JAKMIP1: variants seen among roughly 807,000 people sequenced by gnomAD.
JAKMIP1 encodes janus kinase and microtubule-interacting protein 1.
Under a neutral mutation model 113.0 loss-of-function variants are expected in JAKMIP1, and 33 were observed. The observed-to-expected ratio is 0.29, with a 90% confidence interval of 0.22 to 0.39. The LOEUF is 0.39. Among genes scored for constraint, JAKMIP1 ranks in the 10% least tolerant of loss-of-function variants. The pLI, the probability that JAKMIP1 is intolerant of heterozygous loss-of-function variation, is 1.00. For synonymous variants in JAKMIP1, 480 were observed against 459.9 expected, an observed-to-expected ratio of 1.04 and a Z score of -0.56; for missense variants, 813 against 1,080.5, an observed-to-expected ratio of 0.75 and a Z score of 3.47.
At chr4:6,113,746 C>T (rs1005173417) in intron 1 of JAKMIP1, among the ~76,000 whole-genome samples, 4 of 152,242 alleles carry the variant, frequency 2.6e-5, no homozygotes, top group African/African-American at 7.2e-5. Context: ...CCCTTCACCA[C>T]GTCTCCTTCT....
At chr4:6,056,840 C>G in intron 11 of JAKMIP1, 81 bp from the exon 12 acceptor site, 1 of 941,276 alleles carries the variant, frequency 1.1e-6, no homozygotes, top group Non-Finnish European at 1.7e-6. Flanking sequence ...AGAAAGGTCA[C>G]TTTCTATGAA....
At position 6,097,236 on chromosome 4, in the gene JAKMIP1, A is replaced by G. The variant is rs116099708; in HGVS notation, c.624+8237T>C. Among the ~76,000 whole-genome samples, 459 of 152,314 alleles carry G rather than the reference A, an allele frequency of 3.0e-3. 2 individuals carry two copies. Among genetic ancestry groups the G allele is most frequent in the African/African-American group, 0.011 (437 of 41,570 alleles). ...GGTCTCAAACTCTCAGCCTCAAGCA[A>G]TCCTCCCACCTCAGCCTCCTGATGT... On this transcript the variant is annotated intron_variant, in intron 3 of 20. Transcript: ENST00000409021. This position sits in a 1 kb window ranked among gnomAD's most constrained non-coding sequence, Gnocchi z 4.3.
intron 1 of JAKMIP1, among the ~76,000 whole-genome samples, chr4:6,182,970 C>T (rs1726215055): frequency 6.6e-6 from 1 of 152,208 alleles, no homozygotes; most frequent in South Asian, 2.1e-4. Flanking sequence ...CCAGTGCCAG[C>T]TCCCAAGGCA....
intron 1 of JAKMIP1, among the ~76,000 whole-genome samples, chr4:6,147,076 C>T (rs1044102319): frequency 6.6e-6 from 1 of 152,126 alleles, no homozygotes; most frequent in African/African-American, 2.4e-5. Flanking sequence ...TCTCCTGCCT[C>T]AGCCTCCCGA....
chr4:6,062,256 C>T lies in JAKMIP1; in HGVS notation c.1560+56G>A, dbSNP rs1191176122. ...GGGTATGTCACACTTCTGGAAAGGA[C>T]CTACATGACCTGGCCTTCGGCCCCT... On this transcript the variant is annotated intron_variant, in intron 10 of 20. Transcript: ENST00000409021. 1.6e-5 allele frequency: 26 copies of T among 1,596,768 alleles called. 1 individual carries two copies. The highest frequency in any genetic ancestry group is 2.2e-5 in the Non-Finnish European group (26 of 1,167,140).
At chr4:6,110,852 T>C (rs1437671964) in intron 2 of JAKMIP1, among the ~76,000 whole-genome samples, 1 of 150,826 alleles carries the variant, frequency 6.6e-6, no homozygotes, top group African/African-American at 2.4e-5. Flanking sequence ...ACAGCTGCTG[T>C]AGCTATGTCC....
rs1728203308 is a variant in JAKMIP1, at chr4:6,199,431, G to A, written c.-148+822C>T. On this transcript the variant is annotated intron_variant, in intron 1 of 20. Transcript: ENST00000409021. This position sits in a 1 kb window ranked among gnomAD's most constrained non-coding sequence, Gnocchi z 5.6. ...GATGGAGCGAAGGACCGAGGGGCTG[G>A]GAGGCGAGGCCGCAGCGCACTGACG... Among the ~76,000 whole-genome samples, 1 of 152,208 alleles carries A rather than the reference G, an allele frequency of 6.6e-6. No individual in the cohort carries two copies. Among genetic ancestry groups the A allele is most frequent in the African/African-American group, 2.4e-5 (1 of 41,472 alleles).
At chr4:6,146,484 G>A (rs943235365) in intron 1 of JAKMIP1, among the ~76,000 whole-genome samples, 4 of 152,112 alleles carry the variant, frequency 2.6e-5, no homozygotes, top group African/African-American at 7.2e-5. Context: ...TGTAGAGACA[G>A]GTTTTCACCC....
rs1002591955 is a variant in JAKMIP1, at chr4:6,039,864, A to AT, written c.2175+774dup. The stretch of plus-strand genomic sequence containing the variant: ...TCATGGGAAGTAGAGTTTTAAAGTC[A>AT]TTTTTTTTTTAGTGATTGGCTCTGC... On this transcript the variant is annotated intron_variant, in intron 18 of 20. Coordinates refer to ENST00000409021, the MANE Select transcript of JAKMIP1 (RefSeq NM_001099433.2). Among the ~76,000 whole-genome samples the AT allele has an allele frequency of 4.6e-4, 69 of 148,484 alleles. 1 individual carries two copies. Among genetic ancestry groups the AT allele is most frequent in the Non-Finnish European group, 4.9e-4 (33 of 66,808 alleles).
chr4:6,120,771 T>A (rs1716595597), intron 1 of JAKMIP1, among the ~76,000 whole-genome samples: 1 of 152,170 alleles, frequency 6.6e-6, no homozygotes, highest in Non-Finnish European at 1.5e-5. Flanking sequence ...CAGCTTCAGC[T>A]CCTTCCATGC....
intron 12 of JAKMIP1, 62 bp downstream of exon 12, chr4:6,056,635 G>T: frequency 7.6e-7 from 1 of 1,315,944 alleles, no homozygotes; most frequent in Non-Finnish European, 1.1e-6. Context: ...TGTAGTCTGA[G>T]CAGGCCCGCG....
chr4:6,112,645 C>G, intron 2 of JAKMIP1, 77 bp downstream of exon 2: 9 of 1,544,686 alleles, frequency 5.8e-6, no homozygotes, highest in Non-Finnish European at 7.9e-6. Flanking sequence ...AGGCTCTTCA[C>G]ACACATGCCT....
chr4:6,131,883 G>A (rs1718559633), intron 1 of JAKMIP1, among the ~76,000 whole-genome samples: 1 of 152,306 alleles, frequency 6.6e-6, no homozygotes, highest in African/African-American at 2.4e-5. Context: ...GAAGGAGAAA[G>A]TCTTTCTCCA....
At position 6,078,636 on chromosome 4, in the gene JAKMIP1, T is replaced by C. The variant is rs138681056; in HGVS notation, c.1302+303A>G. Among the ~76,000 whole-genome samples the C allele has an allele frequency of 2.4e-4, 37 of 152,344 alleles. No homozygotes were observed. The East Asian group carries it at 5.4e-3, about 22-fold the overall frequency. ...ATATAAACCAACCCTGAATGTCCCT[T>C]AAATCCTTCAAAAGGTTTAAGTATT... On this transcript the variant is annotated intron_variant, in intron 8 of 20. Transcript: ENST00000409021.
intron 1 of JAKMIP1, among the ~76,000 whole-genome samples, chr4:6,182,534 G>A (rs1342786783): frequency 6.6e-6 from 1 of 152,162 alleles, no homozygotes; most frequent in Non-Finnish European, 1.5e-5. Context: ...GCAGCCTCCT[G>A]CGAACCAGGA....
rs975230352 is a variant in JAKMIP1, at chr4:6,040,183, C to T, written c.2175+456G>A. On this transcript the variant is annotated intron_variant, in intron 18 of 20. Transcript: ENST00000409021. The surrounding 1 kb of genome is among the most constrained non-coding windows in gnomAD (Gnocchi z 5.8). ...GGACGCCCAGAATCAATTTTGCAACCCAAATGCAGTATTACATCCGACCTT... is the reference window on the plus strand; with the variant it reads ...GGACGCCCAGAATCAATTTTGCAACTCAAATGCAGTATTACATCCGACCTT... Among the ~76,000 whole-genome samples the T allele has an allele frequency of 1.3e-5, 2 of 152,150 alleles. No individual in the cohort carries two copies. The highest frequency in any genetic ancestry group is 1.5e-5 in the Non-Finnish European group (1 of 68,034).
chr4:6,152,344 G>A (rs79449770), intron 1 of JAKMIP1, among the ~76,000 whole-genome samples: 2 of 152,192 alleles, frequency 1.3e-5, no homozygotes, highest in African/African-American at 2.4e-5. Context: ...CTCTTTGGTG[G>A]AGGCTGCATT....
intron 1 of JAKMIP1, among the ~76,000 whole-genome samples, chr4:6,147,958 A>G (rs1721056803): frequency 6.6e-6 from 1 of 152,248 alleles, no homozygotes; most frequent in Non-Finnish European, 1.5e-5. Flanking sequence ...AACACAAAAC[A>G]GACAGAAATC....
In JAKMIP1 at chr4:6,106,654, G is replaced by C. The variant is rs6845750; in HGVS notation, c.130-687C>G. Among the ~76,000 whole-genome samples, 2,233 of 152,184 alleles carry C rather than the reference G, an allele frequency of 0.015. 51 individuals are homozygous for C. The highest frequency in any genetic ancestry group is 0.051 in the African/African-American group (2,118 of 41,498). ...GAGGGATGAGGACCCTGTGCTACCA[G>C]GCAACCCACCCCGCCTTGAGCCTAT... On this transcript the variant is annotated intron_variant, in intron 2 of 20. Transcript: ENST00000409021. The surrounding 1 kb of genome is among the most constrained non-coding windows in gnomAD (Gnocchi z 5.9).
Sources: gnomAD v4.1 joint callset for allele counts (sites outside exome capture counted in the v4.1 genomes callset) on GRCh38, gnomAD v4.1.1 for gene constraint, Gnocchi (gnomAD v3.1) non-coding constraint, MANE v1.5 for transcripts, NCBI Gene and HGNC (gene_info 2026-07-23, HGNC 2026-07-21) for gene names.